ADGRL2: variants seen among roughly 807,000 people sequenced by gnomAD.
The protein encoded by ADGRL2 is calcium-independent alpha-latrotoxin receptor 2.
In ADGRL2, 44 loss-of-function variants were observed where a neutral mutation model predicts 157.4. The ratio of observed to expected loss-of-function variants is 0.28; its 90% CI spans 0.22 to 0.36. ADGRL2 has a LOEUF of 0.36. Ranked by LOEUF, ADGRL2 falls within the 10% of genes least tolerant of loss-of-function variation. The probability of loss-of-function intolerance (pLI) is 1.00; values close to 1 mark genes in which losing one functional copy is unlikely to be tolerated. For synonymous variants in ADGRL2, 585 were observed against 624.7 expected (o/e 0.94, Z 0.95); for missense variants, 1,510 against 1,768.9 (o/e 0.85, Z 2.63).
intron 1 of ADGRL2, among the ~76,000 whole-genome samples, chr1:81,424,545 T>C (rs551904603): frequency 6.6e-6 from 1 of 152,312 alleles, no homozygotes; most frequent in South Asian, 2.1e-4. Context: ...CACAATCCAC[T>C]TTTACCAAAA....
At chr1:81,669,526 C>T (rs2082823084) in intron 3 of ADGRL2, among the ~76,000 whole-genome samples, 1 of 152,124 alleles carries the variant, frequency 6.6e-6, no homozygotes, top group African/African-American at 2.4e-5. Flanking sequence ...CAGATATGGT[C>T]CTTGTCCTCA....
intron 3 of ADGRL2, among the ~76,000 whole-genome samples, chr1:81,632,387 T>G (rs1463832917): frequency 4.6e-5 from 7 of 152,028 alleles, no homozygotes; most frequent in African/African-American, 1.7e-4. Context: ...CACACACATC[T>G]GGAAGGAAGA....
chr1:81,541,112 G>A (rs1288874470), intron 2 of ADGRL2, among the ~76,000 whole-genome samples: 1 of 152,088 alleles, frequency 6.6e-6, no homozygotes, highest in East Asian at 1.9e-4. Flanking sequence ...TAACAAGTAG[G>A]AAACCATATC....
chr1:81,725,019 C>A (rs1368250927), intron 1 of ADGRL2, among the ~76,000 whole-genome samples: 8 of 151,618 alleles, frequency 5.3e-5, no homozygotes, highest in East Asian at 2.0e-4. Context: ...GCCTGGCCAA[C>A]ATAGTGAAAC....
chr1:81,787,402 A>C (rs1249492904), intron 2 of ADGRL2, among the ~76,000 whole-genome samples: 1 of 152,190 alleles, frequency 6.6e-6, no homozygotes, highest in Admixed American at 6.5e-5. Flanking sequence ...TCATGCCTGT[A>C]ATCCCAGCAC....
At chr1:81,918,239 T>C (rs2094903710) in intron 3 of ADGRL2, among the ~76,000 whole-genome samples, 2 of 152,166 alleles carry the variant, frequency 1.3e-5, no homozygotes, top group South Asian at 4.1e-4. Flanking sequence ...ACTTCCTTCC[T>C]GATCGTGACA....
chr1:81,547,852 CT>C (rs1440754744), intron 2 of ADGRL2, among the ~76,000 whole-genome samples: 1 of 152,178 alleles, frequency 6.6e-6, no homozygotes, highest in Non-Finnish European at 1.5e-5. Context: ...CTTTAATTTA[CT>C]ATCTCAAACG....
In ADGRL2 at chr1:81,502,060, A is replaced by G. The variant is rs948070028; in HGVS notation, c.-248+56971A>G. The G allele has an allele frequency of 3.9e-5, 63 of 1,601,644 alleles. No homozygotes were observed. In the African/African-American group the frequency reaches 5.7e-4, roughly 15 times the overall value. On this transcript the variant is annotated intron_variant, in intron 2 of 24. Coordinates refer to the ADGRL2 transcript ENST00000370721. ...GCAACATGAACTCAGAGCCTGAGGA[A>G]GAGGACGGAGGTTTGGAAGATGAGG...
intron 2 of ADGRL2, among the ~76,000 whole-genome samples, chr1:81,773,681 A>T (rs1242079524): frequency 6.6e-6 from 1 of 152,204 alleles, no homozygotes; most frequent in East Asian, 1.9e-4. Flanking sequence ...AATGAAAGGG[A>T]CTGACATTTA....
chr1:81,810,366 T>C (rs2089707294), intron 1 of ADGRL2, among the ~76,000 whole-genome samples: 1 of 151,592 alleles, frequency 6.6e-6, no homozygotes, highest in Non-Finnish European at 1.5e-5. Flanking sequence ...CCTGTGTCTT[T>C]ACTTTGAAGC....
At chr1:81,945,020 T>C (rs1649338103) in intron 6 of ADGRL2, among the ~76,000 whole-genome samples, 1 of 152,034 alleles carries the variant, frequency 6.6e-6, no homozygotes, top group African/African-American at 2.4e-5. Flanking sequence ...ATCCCCTTTT[T>C]CCCTAAATCA....
chr1:81,833,111 A>G (rs1326218639), intron 1 of ADGRL2, among the ~76,000 whole-genome samples: 1 of 152,212 alleles, frequency 6.6e-6, no homozygotes, highest in African/African-American at 2.4e-5. Context: ...ATTCTGTCTC[A>G]TAATGATTAT....
intron 3 of ADGRL2, among the ~76,000 whole-genome samples, chr1:81,585,523 A>T (rs1382077780): frequency 1.3e-5 from 2 of 152,170 alleles, no homozygotes; most frequent in Non-Finnish European, 2.9e-5. Flanking sequence ...TCAAACAAAC[A>T]GGAAGTATTA....
intron 2 of ADGRL2, among the ~76,000 whole-genome samples, chr1:81,485,994 G>GT (rs538250719): frequency 4.6e-4 from 70 of 151,988 alleles, no homozygotes; most frequent in Non-Finnish European, 6.3e-4. Flanking sequence ...AACTTCAAAA[G>GT]TTTTTTTTAT....
At chr1:81,451,406 G>A (rs954127967) in intron 2 of ADGRL2, among the ~76,000 whole-genome samples, 6 of 152,152 alleles carry the variant, frequency 3.9e-5, no homozygotes, top group African/African-American at 7.2e-5. Context: ...TAGAAAATTT[G>A]TAAATATCAA....
chr1:81,778,031 T>C (rs1020770715), intron 2 of ADGRL2, among the ~76,000 whole-genome samples: 4 of 151,672 alleles, frequency 2.6e-5, no homozygotes, highest in East Asian at 2.0e-4. Context: ...ATAAAAATAC[T>C]ATGCCTAGGT....
chr1:81,885,773 A>G (rs1452860667), intron 2 of ADGRL2, among the ~76,000 whole-genome samples: 1 of 152,116 alleles, frequency 6.6e-6, no homozygotes, highest in East Asian at 1.9e-4. Context: ...CTACTTGAAA[A>G]TCTCACTCTG....
intron 1 of ADGRL2, among the ~76,000 whole-genome samples, chr1:81,739,790 A>G (rs2085015121): frequency 6.6e-6 from 1 of 152,198 alleles, no homozygotes; most frequent in African/African-American, 2.4e-5. Flanking sequence ...TGATAAGATA[A>G]CACCCTTTCT....
chr1:81,928,196 A>G (rs1321750512), intron 3 of ADGRL2, among the ~76,000 whole-genome samples: 1 of 152,108 alleles, frequency 6.6e-6, no homozygotes, highest in Non-Finnish European at 1.5e-5. Context: ...TTGCTAGTGT[A>G]TATGGAGAAG....
Sources: gnomAD v4.1 joint callset for allele counts (sites outside exome capture counted in the v4.1 genomes callset) on GRCh38, gnomAD v4.1.1 for gene constraint, MANE v1.5 for transcripts, NCBI Gene and HGNC (gene_info 2026-07-23, HGNC 2026-07-21) for gene names.